Variants in ERMP1 observed in about 807,000 individuals in gnomAD.
The protein encoded by ERMP1 is Felix-ina.
Under a neutral mutation model 92.0 loss-of-function variants are expected in ERMP1, and 86 were observed. The observed-to-expected ratio is 0.93, with a 90% CI of 0.79 to 1.12. The LOEUF (loss-of-function observed/expected upper bound fraction) is 1.12. ERMP1 is among the 50% of genes most tolerant of loss of function. The probability of loss-of-function intolerance (pLI) is 0.00; values close to 1 mark genes in which losing one functional copy is unlikely to be tolerated. For synonymous variants in ERMP1, 530 were observed against 412.8 expected (o/e 1.28, Z -3.44); for missense variants, 1,342 against 1,116.3 (o/e 1.20, Z -2.88).
chr9:5,799,102 A>G, intron 11 of ERMP1, 94 bp from the exon 12 acceptor site: 1 of 802,556 alleles, frequency 1.2e-6, no homozygotes, highest in South Asian at 1.6e-5. Flanking sequence ...ATACCAAGAA[A>G]TGATGTGGAT....
In ERMP1 at chr9:5,832,676, G is replaced by C. The variant is rs997570450; in HGVS notation, c.338+14C>G. ...ACGGACGCGCGGGCCGTGCCAGGAG[G>C]GAGCGGCCGGTACCTGGCTTGGAGC... On this transcript the variant is annotated intron_variant, in intron 1 of 14. Transcript: ENST00000339450. The C allele has an allele frequency of 2.1e-6, 3 of 1,413,344 alleles. No individual in the cohort carries two copies. The highest frequency in any genetic ancestry group is 2.8e-6 in the Non-Finnish European group (3 of 1,090,058). 87.6% of individuals were successfully genotyped at this position (1,413,344 alleles called of 1,614,324 possible). A position where few individuals can be genotyped will look rare whatever the true frequency, so the allele number is the denominator to read the frequency against.
chr9:5,830,693 A>T (rs750270529), intron 2 of ERMP1, 34 bp downstream of exon 2: 3 of 1,548,506 alleles, frequency 1.9e-6, no homozygotes, highest in Non-Finnish European at 2.6e-6. Flanking sequence ...CTGGGCTGTG[A>T]CAAGTTCCAA....
chr9:5,830,959 G>A lies in ERMP1; in HGVS notation c.408C>T (p.Thr136=), dbSNP rs376123344. ...TTGSPENEIL[T]VHYLLEQIKL... Reference sequence around the variant, plus strand: ...TAATCTGTTCCAAAAGGTAGTGCACGGTCAGAATTTCATTTTCTGGACTTC... The same window carrying A: ...TAATCTGTTCCAAAAGGTAGTGCACAGTCAGAATTTCATTTTCTGGACTTC... Residue 136 remains threonine, a synonymous_variant, in exon 2 of 15, where the codon ACC becomes ACT. Coordinates refer to ENST00000339450, the MANE Select transcript of ERMP1 (RefSeq NM_024896.3). 5 of 1,613,938 alleles carry A rather than the reference G, an allele frequency of 3.1e-6. No homozygotes were observed. The South Asian group carries it at 4.4e-5, about 14-fold the overall frequency.
Position 5,823,892 on chromosome 9 carries a change from A to T in ERMP1, c.874+4T>A. 1 of 1,590,152 alleles carries T rather than the reference A, an allele frequency of 6.3e-7. No homozygotes were observed. The highest frequency in any genetic ancestry group is 8.6e-7 in the Non-Finnish European group (1 of 1,159,336). On this transcript the variant is annotated splice_donor_region_variant and intron_variant, in intron 4 of 14. Coordinates refer to ENST00000339450, the MANE Select transcript of ERMP1 (RefSeq NM_024896.3). The stretch of plus-strand genomic sequence containing the variant: ...TAAAATATACAACGCACAATCTCAC[A>T]TACCTGTTTGGAATACAAGTTCTTT...
chr9:5,788,455 T>C (rs1473495935), intron 13 of ERMP1, among the ~76,000 whole-genome samples: 1 of 152,044 alleles, frequency 6.6e-6, no homozygotes, highest in Admixed American at 6.6e-5. Flanking sequence ...ATTTGGGTGG[T>C]GAAGATGAAA....
At chr9:5,834,389 T>C (rs535751679), upstream of ERMP1, among the ~76,000 whole-genome samples, 4 of 152,358 alleles carry the variant, frequency 2.6e-5, no homozygotes, top group South Asian at 2.1e-4. Flanking sequence ...GACTATTTCA[T>C]AACTTCCTCA....
chr9:5,821,169 G>C (rs1393544234), intron 4 of ERMP1, among the ~76,000 whole-genome samples: 1 of 152,102 alleles, frequency 6.6e-6, no homozygotes, highest in Non-Finnish European at 1.5e-5. Context: ...TCTGTTTTTT[G>C]CTTTATTATT....
At chr9:5,824,669 G>A (rs1489868149) in intron 3 of ERMP1, among the ~76,000 whole-genome samples, 1 of 152,124 alleles carries the variant, frequency 6.6e-6, no homozygotes, top group African/African-American at 2.4e-5. Flanking sequence ...CCAAAGTGCT[G>A]GGATTATAGG....
At chr9:5,834,979 G>A (rs200968704), upstream of ERMP1, among the ~76,000 whole-genome samples, 21 of 13,950 alleles carry the variant, frequency 1.5e-3, no homozygotes, top group East Asian at 9.4e-3. Flanking sequence ...ATAGATAGAT[G>A]TGTGTGTGTG....
intron 13 of ERMP1, among the ~76,000 whole-genome samples, chr9:5,793,004 AAC>A (rs1254752851): frequency 6.6e-6 from 1 of 152,204 alleles, no homozygotes; most frequent in African/African-American, 2.4e-5. Flanking sequence ...TCTAACAGAT[AAC>A]AGTTTTTCAA....
In ERMP1 at chr9:5,830,844, C is replaced by T. The variant is rs773511760; in HGVS notation, c.523G>A (p.Gly175Ser). The T allele has an allele frequency of 2.5e-6, 4 of 1,613,994 alleles. No individual in the cohort carries two copies. In the South Asian group the frequency reaches 4.4e-5, roughly 18 times the overall value. ...ATGTTGTCATAATAGCTTGTAAAAC[C>T]TCCCAAGAAATCAATGCTAAAAGAG... ...TGSFSIDFLG[G>S]FTSYYDNITN... is the part of the protein sequence containing the mutation. Residue 175 changes from glycine to serine, a missense_variant, in exon 2 of 15, where the codon GGT becomes AGT. Transcript: ENST00000339450.
At chr9:5,802,976 G>C (rs1828728133) in intron 10 of ERMP1, among the ~76,000 whole-genome samples, 1 of 152,040 alleles carries the variant, frequency 6.6e-6, no homozygotes. Flanking sequence ...GTGGTTGCAG[G>C]GAGCCGAGAT....
intron 6 of ERMP1, among the ~76,000 whole-genome samples, chr9:5,841,057 G>T (rs1353450576): frequency 6.6e-6 from 1 of 152,174 alleles, no homozygotes; most frequent in Non-Finnish European, 1.5e-5. Flanking sequence ...CTACCCGTAG[G>T]AATGTAACAT....
At chr9:5,789,379 T>C (rs767803540) in intron 13 of ERMP1, among the ~76,000 whole-genome samples, 3 of 152,216 alleles carry the variant, frequency 2.0e-5, no homozygotes, top group Non-Finnish European at 2.9e-5. Flanking sequence ...AAACTCAATA[T>C]TGGAAAACGT....
intron 4 of ERMP1, among the ~76,000 whole-genome samples, chr9:5,814,645 G>T (rs569697706): frequency 6.6e-6 from 1 of 152,160 alleles, no homozygotes; most frequent in Non-Finnish European, 1.5e-5. Flanking sequence ...CAGGAGAATT[G>T]CTTAGACCTG....
intron 5 of ERMP1, among the ~76,000 whole-genome samples, chr9:5,861,435 G>A (rs1830492291): frequency 6.6e-6 from 1 of 151,796 alleles, no homozygotes; most frequent in Non-Finnish European, 1.5e-5. Flanking sequence ...CTATTTTATT[G>A]AGGTATTCAG....
At chr9:5,788,390 C>G (rs1171299904) in intron 13 of ERMP1, among the ~76,000 whole-genome samples, 1 of 152,006 alleles carries the variant, frequency 6.6e-6, no homozygotes. Flanking sequence ...TAACAGTCTT[C>G]AAAACCAAAG....
chr9:5,791,183 G>A (rs938712641), intron 13 of ERMP1: 1 of 456,356 alleles, frequency 2.2e-6, no homozygotes, highest in Non-Finnish European at 4.4e-6. Context: ...GAGAGAAAGA[G>A]AGAGAGAGAC....
Position 5,830,940 on chromosome 9 carries a change from G to A in ERMP1, c.427C>T (p.Gln143Ter). 1 of 1,613,996 alleles carries A rather than the reference G, an allele frequency of 6.2e-7. No individual in the cohort carries two copies. Among genetic ancestry groups the A allele is most frequent in the Non-Finnish European group, 8.5e-7 (1 of 1,179,886 alleles). Residue 143 changes from glutamine (Q) to a stop codon, truncating the protein, a stop_gained, in exon 2 of 15, where the codon CAG becomes TAG. Coordinates refer to ENST00000339450, the MANE Select transcript of ERMP1 (RefSeq NM_024896.3). LOFTEE classifies it high-confidence loss of function. ...CTTTGCACTTCAATCAGTTTAATCTGTTCCAAAAGGTAGTGCACGGTCAGA... is the reference window on the plus strand; with the variant it reads ...CTTTGCACTTCAATCAGTTTAATCTATTCCAAAAGGTAGTGCACGGTCAGA... ...EILTVHYLLE[Q>*]IKLIEVQSNS...
Sources: allele counts gnomAD v4.1 joint callset (sites outside exome capture counted in the v4.1 genomes callset), GRCh38; gene constraint gnomAD v4.1.1; transcripts MANE v1.5; gene names NCBI Gene and HGNC (gene_info 2026-07-23, HGNC 2026-07-21).